PCDH15: variants seen among roughly 807,000 people sequenced by gnomAD.
PCDH15 encodes the protein protocadherin-15.
In PCDH15, 129 loss-of-function variants were observed where a neutral mutation model predicts 178.5. That is an observed-to-expected ratio of 0.72 (90% CI 0.63 to 0.84). PCDH15 has a LOEUF of 0.84. PCDH15 is among the 40% of genes least tolerant of loss of function. The pLI is 0.00. For synonymous variants in PCDH15, 800 were observed against 732.0 expected (o/e 1.09, Z -1.50); for missense variants, 2,230 against 2,099.9 (o/e 1.06, Z -1.21).
chr10:54,589,195 T>G (rs1198243418), intron 2 of PCDH15, among the ~76,000 whole-genome samples: 1 of 152,162 alleles, frequency 6.6e-6, no homozygotes, highest in Non-Finnish European at 1.5e-5. Context: ...TTTCTCTCTA[T>G]CTCATCTCCT....
At chr10:54,359,673 T>C (rs1464848532) in intron 5 of PCDH15, among the ~76,000 whole-genome samples, 1 of 152,030 alleles carries the variant, frequency 6.6e-6, no homozygotes, top group Non-Finnish European at 1.5e-5. Flanking sequence ...AAGATATACT[T>C]ATAGAATGAA....
At chr10:54,295,457 T>A (rs2384441) in intron 8 of PCDH15, among the ~76,000 whole-genome samples, 3 of 151,878 alleles carry the variant, frequency 2.0e-5, no homozygotes, top group African/African-American at 4.8e-5. Flanking sequence ...TTTGGCTCTT[T>A]GCAATAAATC....
intron 2 of PCDH15, among the ~76,000 whole-genome samples, chr10:55,025,180 T>C (rs1235533691): frequency 6.6e-6 from 1 of 152,160 alleles, no homozygotes; most frequent in Non-Finnish European, 1.5e-5. Flanking sequence ...TATATGTGTG[T>C]TGAGTGAAAA....
intron 3 of PCDH15, among the ~76,000 whole-genome samples, chr10:54,456,483 C>T (rs375400717): frequency 6.6e-6 from 1 of 152,266 alleles, no homozygotes. Flanking sequence ...ATGACTGTAT[C>T]CCCATTGTAT....
chr10:54,030,749 T>G (rs1471828830), intron 18 of PCDH15, among the ~76,000 whole-genome samples: 1 of 152,076 alleles, frequency 6.6e-6, no homozygotes, highest in Non-Finnish European at 1.5e-5. Flanking sequence ...CCTATCTTTA[T>G]GCATTTATAT....
chr10:55,524,313 T>C (rs1235397793), intron 2 of PCDH15, among the ~76,000 whole-genome samples: 1 of 151,600 alleles, frequency 6.6e-6, no homozygotes, highest in Non-Finnish European at 1.5e-5. Flanking sequence ...GATGGTTATA[T>C]TTAAGTAAAT....
At chr10:55,612,967 A>C (rs891652085) in intron 2 of PCDH15, among the ~76,000 whole-genome samples, 10 of 150,976 alleles carry the variant, frequency 6.6e-5, no homozygotes, top group South Asian at 6.2e-4. Context: ...TAAGGATACT[A>C]TCTTCCTGTC....
At chr10:55,438,303 T>C (rs1386796406) in intron 2 of PCDH15, among the ~76,000 whole-genome samples, 2 of 152,260 alleles carry the variant, frequency 1.3e-5, no homozygotes, top group African/African-American at 2.4e-5. Context: ...CTATTCTATA[T>C]ATCATATAAA....
At chr10:54,488,340 A>T (rs2079281701) in intron 3 of PCDH15, among the ~76,000 whole-genome samples, 1 of 151,868 alleles carries the variant, frequency 6.6e-6, no homozygotes, top group Non-Finnish European at 1.5e-5. Context: ...ATTGGTTACC[A>T]GCGTAATTTT....
intron 18 of PCDH15, among the ~76,000 whole-genome samples, chr10:54,066,144 T>C (rs2094133643): frequency 1.3e-5 from 2 of 152,208 alleles, no homozygotes; most frequent in South Asian, 4.1e-4. Context: ...TTGTGACTTC[T>C]AGACCAATTA....
intron 2 of PCDH15, among the ~76,000 whole-genome samples, chr10:55,492,182 A>C (rs942815672): frequency 2.0e-5 from 3 of 151,878 alleles, no homozygotes; most frequent in African/African-American, 7.2e-5. Flanking sequence ...TTCACAAGGG[A>C]ATCTATAAGC....
chr10:54,193,254 A>T (rs2049213217), intron 11 of PCDH15, among the ~76,000 whole-genome samples: 1 of 152,216 alleles, frequency 6.6e-6, no homozygotes. Context: ...GTGAACAGAC[A>T]ATCCAGACAA....
chr10:55,054,666 C>A (rs983995177), intron 2 of PCDH15, among the ~76,000 whole-genome samples: 18 of 152,034 alleles, frequency 1.2e-4, no homozygotes, highest in African/African-American at 4.1e-4. Context: ...ATTTCTTTTT[C>A]TCTGGCAGCA....
At chr10:54,687,156 T>C (rs369698556) in intron 1 of PCDH15, among the ~76,000 whole-genome samples, 242 of 152,298 alleles carry the variant, frequency 1.6e-3, no homozygotes, top group African/African-American at 5.5e-3. Flanking sequence ...AAAGACAGTA[T>C]GTTTTTAGTA....
intron 2 of PCDH15, among the ~76,000 whole-genome samples, chr10:55,118,946 C>T (rs970752215): frequency 1.3e-5 from 2 of 152,136 alleles, no homozygotes; most frequent in East Asian, 1.9e-4. Context: ...TTTTCGTTTG[C>T]CACCACATAG....
chr10:55,457,612 G>C (rs1464531001), intron 2 of PCDH15, among the ~76,000 whole-genome samples: 4 of 151,976 alleles, frequency 2.6e-5, no homozygotes, highest in African/African-American at 9.7e-5. Context: ...TAATTAGCAA[G>C]TTCCAATATG....
intron 26 of PCDH15, among the ~76,000 whole-genome samples, chr10:53,901,308 C>A (rs944281025): frequency 2.0e-5 from 3 of 152,098 alleles, no homozygotes; most frequent in Admixed American, 6.6e-5. Flanking sequence ...ACTGCCATCA[C>A]AATAGGCAGT....
chr10:55,620,763 A>AATTAATAT (rs1843575920), intron 2 of PCDH15, among the ~76,000 whole-genome samples: 1 of 151,470 alleles, frequency 6.6e-6, no homozygotes, highest in Non-Finnish European at 1.5e-5. Context: ...GTGGTACAAT[A>AATTAATAT]ATTAATATAT....
chr10:55,008,274 G>A (rs1360773730), intron 2 of PCDH15, among the ~76,000 whole-genome samples: 4 of 151,636 alleles, frequency 2.6e-5, no homozygotes, highest in African/African-American at 9.7e-5. Context: ...AACATTCTCA[G>A]TCTTCTCTTT....
Sources: allele counts gnomAD v4.1 joint callset (sites outside exome capture counted in the v4.1 genomes callset), GRCh38; gene constraint gnomAD v4.1.1; transcripts MANE v1.5; gene names NCBI Gene and HGNC (gene_info 2026-07-23, HGNC 2026-07-21).